The following VPS35 variants were observed in gnomAD, a reference collection of about 807,000 sequenced individuals.
VPS35 encodes VPS35 retromer complex component, also known as vacuolar protein sorting-associated protein 35.
In VPS35, 21 loss-of-function variants were observed where a neutral mutation model predicts 98.1. The ratio of observed to expected loss-of-function variants is 0.21; its 90% CI spans 0.15 to 0.31. The LOEUF (loss-of-function observed/expected upper bound fraction) is 0.31. Ranked by LOEUF, VPS35 falls within the 10% of genes least tolerant of loss-of-function variation. VPS35 has a pLI of 1.00. For missense variants in VPS35, 554 were observed against 950.8 expected (o/e 0.58, Z 5.49); for synonymous variants, 268 against 318.2 (o/e 0.84, Z 1.68).
At position 46,661,512 on chromosome 16, in the gene VPS35, G is replaced by A; in HGVS notation, c.2211+206C>T. The stretch of plus-strand genomic sequence containing the variant: ...CCCAAAGTGCTGGGATTACAGGCAT[G>A]AGCCACCACGCCCAGCCTAGGAATT... On this transcript the variant is annotated intron_variant, in intron 16 of 16. Coordinates refer to ENST00000299138, the MANE Select transcript of VPS35 (RefSeq NM_018206.6). This position sits in a 1 kb window ranked among gnomAD's most constrained non-coding sequence, Gnocchi z 4.3. The A allele has an allele frequency of 4.0e-6, 2 of 501,102 alleles. No homozygotes were observed. The highest frequency in any genetic ancestry group is 2.1e-5 in the South Asian group (1 of 48,434). The allele number at this position is 501,102 out of a possible 1,614,324, so 31.0% of individuals were successfully genotyped here. A position where few individuals can be genotyped will look rare whatever the true frequency, so the allele number is the denominator to read the frequency against.
chr16:46,676,768 T>C (rs1485101873), intron 7 of VPS35, 76 bp from the exon 8 acceptor site: 14 of 1,090,990 alleles, frequency 1.3e-5, no homozygotes, highest in Middle Eastern at 2.0e-4. Flanking sequence ...AAGTTCACAT[T>C]TGTGGGAAAA....
At chr16:46,685,870 G>A (rs1458482457) in intron 1 of VPS35, among the ~76,000 whole-genome samples, 1 of 151,876 alleles carries the variant, frequency 6.6e-6, no homozygotes. Flanking sequence ...TGATACATCT[G>A]GATATTTTTA....
At chr16:46,675,148 C>A (rs1389135746) in intron 8 of VPS35, among the ~76,000 whole-genome samples, 4 of 148,376 alleles carry the variant, frequency 2.7e-5, no homozygotes, top group Admixed American at 6.7e-5. Flanking sequence ...CATCAGCATT[C>A]TTATTTCACA....
Position 46,662,977 on chromosome 16 carries a change from C to A in VPS35, c.1827+6G>T. On this transcript the variant is annotated splice_donor_region_variant and intron_variant, in intron 14 of 16. Coordinates refer to ENST00000299138, the MANE Select transcript of VPS35 (RefSeq NM_018206.6). ...ACATGACAACGCAGAAAGAACAGATCATCACCTGGGACATGAATTCATATG... is the reference window on the plus strand; with the variant it reads ...ACATGACAACGCAGAAAGAACAGATAATCACCTGGGACATGAATTCATATG... 1 of 1,614,192 alleles carries A rather than the reference C, an allele frequency of 6.2e-7. No individual in the cohort carries two copies. The highest frequency in any genetic ancestry group is 8.5e-7 in the Non-Finnish European group (1 of 1,180,022).
At position 46,671,765 on chromosome 16, in the gene VPS35, CT is replaced by C; in HGVS notation, c.1463del (p.Gln488ArgfsTer21). On this transcript the variant is annotated frameshift_variant, in exon 12 of 17. Coordinates refer to ENST00000299138, the MANE Select transcript of VPS35 (RefSeq NM_018206.6). LOFTEE classifies it high-confidence loss of function. ...GATGAATGAAGCGGCCCACAAGGCT[CT>C]GCTCATCAGCAAAATCTTCTGGATC... is the stretch of plus-strand genomic sequence containing the variant. ...DPDPEDFADE[Q>X]SLVGRFIHLL... 1 of 1,614,146 alleles carries C rather than the reference CT, an allele frequency of 6.2e-7. No homozygotes were observed. The highest frequency in any genetic ancestry group is 8.5e-7 in the Non-Finnish European group (1 of 1,180,014).
intron 8 of VPS35, among the ~76,000 whole-genome samples, chr16:46,676,221 T>C (rs1966150861): frequency 6.6e-6 from 1 of 152,148 alleles, no homozygotes; most frequent in Non-Finnish European, 1.5e-5. Context: ...CTAAATCAAA[T>C]GAGTTCCCAC....
chr16:46,668,301 A>C (rs1966018143), intron 13 of VPS35, among the ~76,000 whole-genome samples: 1 of 152,170 alleles, frequency 6.6e-6, no homozygotes, highest in Non-Finnish European at 1.5e-5. Flanking sequence ...AGGCTGACAC[A>C]CAAGAATCGC....
intron 13 of VPS35, among the ~76,000 whole-genome samples, chr16:46,665,348 CTT>C (rs932906263): frequency 6.6e-6 from 1 of 152,150 alleles, no homozygotes; most frequent in Admixed American, 6.6e-5. Context: ...AATCCCAACA[CTT>C]AGGGAGGCCA....
intron 2 of VPS35, chr16:46,682,853 AGC>A: frequency 6.5e-6 from 1 of 154,406 alleles, no homozygotes; most frequent in South Asian, 2.0e-4. Context: ...AAGGTAAAAT[AGC>A]ATCATCTTCA....
chr16:46,666,910 A>G (rs1299939135), intron 13 of VPS35, among the ~76,000 whole-genome samples: 2 of 152,226 alleles, frequency 1.3e-5, no homozygotes, highest in Admixed American at 6.5e-5. Context: ...GCCATTGTGA[A>G]TAATGCTGCA....
At position 46,663,031 on chromosome 16, in the gene VPS35, T is replaced by A. The variant is rs749127069; in HGVS notation, c.1779A>T (p.Glu593Asp). The change falls in exon 14 of 17, where the codon GAA (glutamate) becomes GAT (aspartate). Residue 593 changes from glutamate (E) to aspartate (D), a missense_variant. Glu to Asp is a conservative substitution (Grantham distance 45). Coordinates refer to ENST00000299138, the MANE Select transcript of VPS35 (RefSeq NM_018206.6). ...LFLQGALAAG[E>D]IGFENHETVA... is the part of the protein sequence containing the mutation. ...CTGTCTCATGATTTTCAAAACCAAT[T>A]TCCCCAGCAGCTAGTGCTCCTTGAA... The A allele has an allele frequency of 6.8e-6, 11 of 1,614,030 alleles. No individual in the cohort carries two copies. The highest frequency in any genetic ancestry group is 7.6e-6 in the Non-Finnish European group (9 of 1,180,028).
rs570419658 is a variant in VPS35, at chr16:46,668,003, G to T, written c.1647+927C>A. On this transcript the variant is annotated intron_variant, in intron 13 of 16. Coordinates refer to ENST00000299138, the MANE Select transcript of VPS35 (RefSeq NM_018206.6). ...TCCTATCCATAAACGCTGGTAAAGA[G>T]TGAATGATAAGCTGGCCTAATAAAA... Among the ~76,000 whole-genome samples, 41 of 152,282 alleles carry T rather than the reference G, an allele frequency of 2.7e-4. 1 individual carries two copies. The East Asian group carries it at 7.5e-3, about 28-fold the overall frequency.
rs149233816 is a variant in VPS35 at position 46,677,583 on chromosome 16, T to G, written c.721-185A>C. On this transcript the variant is annotated intron_variant, in intron 6 of 16. Coordinates refer to ENST00000299138, the MANE Select transcript of VPS35 (RefSeq NM_018206.6). ...CAAGGTCTTGTTCGGTTGCCCAGGC[T>G]GGAGTGAAGTGGCACAATCTCCACT... is the stretch of plus-strand genomic sequence containing the variant. The G allele has an allele frequency of 1.0e-3, 587 of 581,738 alleles. 3 individuals are homozygous for G. Among genetic ancestry groups the G allele is most frequent in the Middle Eastern group, 3.4e-3 (7 of 2,048 alleles). 36.0% of individuals were successfully genotyped at this position (581,738 alleles called of 1,614,324 possible). A position where few individuals can be genotyped will look rare whatever the true frequency, so the allele number is the denominator to read the frequency against.
At chr16:46,671,589 G>T in intron 12 of VPS35, 116 bp downstream of exon 12, 1 of 1,416,108 alleles carries the variant, frequency 7.1e-7, no homozygotes, top group Non-Finnish European at 9.8e-7. Flanking sequence ...CTTTAATTCA[G>T]TTGCAATTCC....
chr16:46,663,862 ATTTTTTTTTTTTTTTT>A lies in VPS35; in HGVS notation c.1648-716_1648-701del, dbSNP rs546485076. On this transcript the variant is annotated intron_variant, in intron 13 of 16. Coordinates refer to ENST00000299138, the MANE Select transcript of VPS35 (RefSeq NM_018206.6). The stretch of plus-strand genomic sequence containing the variant: ...AGGCTTGCATCACCACACCTGGCTA[ATTTTTTTTTTTTTTTT>A]TTTTTTTTTTTTTGTAGAGACAGGG... Among the ~76,000 whole-genome samples the A allele has an allele frequency of 1.7e-4, 5 of 28,686 alleles. 1 individual carries two copies. Among genetic ancestry groups the A allele is most frequent in the South Asian group, 7.6e-3 (2 of 264 alleles). The allele number at this position is 28,686 out of a possible 152,430, so 18.8% of individuals were successfully genotyped here.
Position 46,662,317 on chromosome 16 carries a change from C to G in VPS35, c.1993G>C (p.Asp665His). The G allele has an allele frequency of 6.2e-7, 1 of 1,614,148 alleles. No individual in the cohort carries two copies. The highest frequency in any genetic ancestry group is 8.5e-7 in the Non-Finnish European group (1 of 1,180,048). Residue 665 changes from aspartate to histidine, a missense_variant, in exon 15 of 17, where the codon GAT becomes CAT. Around this residue, in one of 5 missense-constraint regions of VPS35, gnomAD observed 153 missense variants for 211.0 expected, o/e 0.73. Transcript: ENST00000299138. ...LAASKLLKKP[D>H]QGRAVSTCAH... ...CAGGTGCTCACAGCTCGGCCCTGAT[C>G]AGGTTTCTTTAGAAGTTTGGATGCA... is the stretch of plus-strand genomic sequence containing the variant.
chr16:46,661,921 A>C lies in VPS35; in HGVS notation c.2068-60T>G. 1 of 1,607,646 alleles carries C rather than the reference A, an allele frequency of 6.2e-7. No individual in the cohort carries two copies. Among genetic ancestry groups the C allele is most frequent in the Non-Finnish European group, 8.5e-7 (1 of 1,174,982 alleles). ...TAATGAAACATCTCGTTTTCATACA[A>C]AGAAACACAACACTACCGTGGCTCT... On this transcript the variant is annotated intron_variant, in intron 15 of 16. Transcript: ENST00000299138. The surrounding 1 kb of genome is among the most constrained non-coding windows in gnomAD (Gnocchi z 4.3).
At chr16:46,672,567 C>T in intron 10 of VPS35, 95 bp from the exon 11 acceptor site, 1 of 1,083,502 alleles carries the variant, frequency 9.2e-7, no homozygotes. Context: ...TTTTTCATTA[C>T]ACATTAAAGG....
chr16:46,682,196 T>C, intron 2 of VPS35, 21 bp from the exon 3 acceptor site: 2 of 1,523,086 alleles, frequency 1.3e-6, no homozygotes, highest in African/African-American at 1.4e-5. Flanking sequence ...ACCAAGAGAA[T>C]AGATGAGAAT....
Sources: gnomAD v4.1 joint callset for allele counts (sites outside exome capture counted in the v4.1 genomes callset) on GRCh38, gnomAD v4.1.1 for gene constraint, gnomAD v4.1.1 regional missense constraint, Gnocchi (gnomAD v3.1) non-coding constraint, MANE v1.5 for transcripts, NCBI Gene and HGNC (gene_info 2026-07-23, HGNC 2026-07-21) for gene names.